TENM3: variants seen among roughly 807,000 people sequenced by gnomAD.
TENM3 encodes the protein teneurin transmembrane protein 3.
A neutral mutation model predicts 255.1 loss-of-function variants in TENM3; 63 were observed. The observed-to-expected ratio is 0.25, with a 90% confidence interval of 0.20 to 0.30. The LOEUF (loss-of-function observed/expected upper bound fraction) is 0.30. TENM3 is among the 10% of genes least tolerant of loss of function. The probability of loss-of-function intolerance (pLI) is 1.00; values close to 1 mark genes in which losing one functional copy is unlikely to be tolerated. For synonymous variants in TENM3, 1,306 were observed against 1,322.3 expected, an observed-to-expected ratio of 0.99 and a Z score of 0.27; for missense variants, 2,929 against 3,461.1, an observed-to-expected ratio of 0.85 and a Z score of 3.86.
the TENM3 span, among the ~76,000 whole-genome samples, chr4:182,112,122 T>A: frequency 1.3e-5 from 2 of 152,142 alleles, no homozygotes; most frequent in Non-Finnish European, 2.9e-5. Flanking sequence ...GCCACTGTAC[T>A]CCAGCCTGGG....
chr4:182,628,527 G>C, intron 4 of TENM3, 124 bp from the exon 5 acceptor site: 1 of 646,020 alleles, frequency 1.5e-6, no homozygotes, highest in Non-Finnish European at 2.7e-6. Context: ...AGGTTATATA[G>C]GATAAATTCT....
At chr4:181,555,718 C>T in the TENM3 span, among the ~76,000 whole-genome samples, 1 of 152,182 alleles carries the variant, frequency 6.6e-6, no homozygotes, top group African/African-American at 2.4e-5. Context: ...TGTCTACCAT[C>T]TCCTAAAGCC....
At chr4:181,678,006 A>G in the TENM3 span, among the ~76,000 whole-genome samples, 1 of 152,078 alleles carries the variant, frequency 6.6e-6, no homozygotes, top group Non-Finnish European at 1.5e-5. Flanking sequence ...TCTTTGAGAG[A>G]ATTTATCTCA....
the TENM3 span, among the ~76,000 whole-genome samples, chr4:182,066,706 C>G: frequency 7.9e-5 from 12 of 151,296 alleles, no homozygotes; most frequent in African/African-American, 2.2e-4. Flanking sequence ...GTCAGGAGAT[C>G]GAGACCGTCC....
chr4:181,826,346 G>A, the TENM3 span, among the ~76,000 whole-genome samples: 6 of 152,208 alleles, frequency 3.9e-5, no homozygotes, highest in Non-Finnish European at 8.8e-5. Context: ...TCAATGATAA[G>A]TGTTAATTTT....
chr4:181,614,685 C>G, the TENM3 span, among the ~76,000 whole-genome samples: 1 of 152,206 alleles, frequency 6.6e-6, no homozygotes, highest in East Asian at 1.9e-4. Flanking sequence ...GAGATGTCAT[C>G]AAAATGCACA....
chr4:182,293,467 C>T (rs117386485), intron 1 of TENM3, among the ~76,000 whole-genome samples: 1,994 of 152,282 alleles, frequency 0.013, 48 homozygotes, highest in Admixed American at 0.061. Flanking sequence ...CGTCTCTCTT[C>T]CTCTTTCTCT....
intron 1 of TENM3, among the ~76,000 whole-genome samples, chr4:182,259,935 T>A (rs557844032): frequency 5.6e-4 from 85 of 152,090 alleles, no homozygotes; most frequent in Non-Finnish European, 1.0e-3. Context: ...CTCTTCTTGG[T>A]TTCTGGTGAG....
chr4:182,381,413 A>T (rs1767556742), intron 3 of TENM3, among the ~76,000 whole-genome samples: 1 of 152,212 alleles, frequency 6.6e-6, no homozygotes, highest in Admixed American at 6.5e-5. Context: ...AAGATCAGTA[A>T]TCATTAAAGA....
At chr4:181,814,532 T>G in the TENM3 span, among the ~76,000 whole-genome samples, 6 of 152,106 alleles carry the variant, frequency 3.9e-5, no homozygotes, top group Non-Finnish European at 8.8e-5. Context: ...AATGGATACC[T>G]GCAGAGCCCC....
chr4:182,187,782 A>G, intron 1 of TENM3, among the ~76,000 whole-genome samples: 1 of 152,200 alleles, frequency 6.6e-6, no homozygotes, highest in South Asian at 2.1e-4. Flanking sequence ...TGAAAAAGAC[A>G]TTTTTATATT....
In TENM3 at chr4:182,403,496, T is replaced by C. The variant is rs574811255; in HGVS notation, c.511+56567T>C. Among the ~76,000 whole-genome samples, 15 of 152,342 alleles carry C rather than the reference T, an allele frequency of 9.8e-5. No homozygotes were observed. The East Asian group carries it at 2.9e-3, about 29-fold the overall frequency. On this transcript the variant is annotated intron_variant, in intron 3 of 27. Transcript: ENST00000511685. ...TATGTCTCAAAGAATTTTAGACAGATAGGGACACACTATCTGATGGTGAAG... is the reference window on the plus strand; with the variant it reads ...TATGTCTCAAAGAATTTTAGACAGACAGGGACACACTATCTGATGGTGAAG...
the TENM3 span, among the ~76,000 whole-genome samples, chr4:182,051,811 G>C: frequency 6.6e-6 from 1 of 152,166 alleles, no homozygotes; most frequent in Non-Finnish European, 1.5e-5. Context: ...GAAGATTTCA[G>C]AAGTTTTAAT....
At chr4:182,495,267 A>C (rs763117042) in intron 3 of TENM3, among the ~76,000 whole-genome samples, 2 of 152,166 alleles carry the variant, frequency 1.3e-5, no homozygotes, top group African/African-American at 2.4e-5. Flanking sequence ...CCTTTCTCAT[A>C]ATGCCTGAAT....
At chr4:181,605,116 G>T in the TENM3 span, among the ~76,000 whole-genome samples, 1 of 151,982 alleles carries the variant, frequency 6.6e-6, no homozygotes, top group Non-Finnish European at 1.5e-5. Flanking sequence ...TTAGCTCATG[G>T]GGTAAAGAAA....
chr4:182,649,742 A>G (rs1753084992), intron 5 of TENM3, among the ~76,000 whole-genome samples: 1 of 150,366 alleles, frequency 6.7e-6, no homozygotes, highest in Admixed American at 6.7e-5. Flanking sequence ...AATGGTGCCC[A>G]GGACACACAG....
intron 3 of TENM3, among the ~76,000 whole-genome samples, chr4:182,370,468 A>C (rs1052190127): frequency 6.6e-6 from 1 of 152,250 alleles, no homozygotes; most frequent in Non-Finnish European, 1.5e-5. Context: ...TAATAGATTA[A>C]TACAAAAATA....
intron 1 of TENM3, among the ~76,000 whole-genome samples, chr4:182,214,806 C>T (rs963827409): frequency 3.3e-5 from 5 of 152,102 alleles, no homozygotes; most frequent in African/African-American, 1.2e-4. Flanking sequence ...CTATTCTTAA[C>T]ATCATAATGC....
chr4:181,503,031 G>A, the TENM3 span, among the ~76,000 whole-genome samples: 1 of 152,130 alleles, frequency 6.6e-6, no homozygotes, highest in African/African-American at 2.4e-5. Context: ...TCTTAAAAAT[G>A]GGAAGACACT....
Sources: gnomAD v4.1 joint callset for allele counts (sites outside exome capture counted in the v4.1 genomes callset) on GRCh38, gnomAD v4.1.1 for gene constraint, MANE v1.5 for transcripts, NCBI Gene and HGNC (gene_info 2026-07-23, HGNC 2026-07-21) for gene names.